Variants in PLCB1 observed in about 807,000 individuals in gnomAD.
The protein encoded by PLCB1 is phospholipase C beta 1.
Under a neutral mutation model 161.8 loss-of-function variants are expected in PLCB1, and 46 were observed. The ratio of observed to expected loss-of-function variants is 0.28; its 90% CI spans 0.22 to 0.36. PLCB1 has a LOEUF of 0.36. PLCB1 is among the 10% of genes least tolerant of loss of function. PLCB1 has a pLI of 1.00. For synonymous variants in PLCB1, 517 were observed against 503.7 expected, an observed-to-expected ratio of 1.03 and a Z score of -0.35; for missense variants, 1,016 against 1,472.5, an observed-to-expected ratio of 0.69 and a Z score of 5.07.
At chr20:8,755,290 A>G (rs1253265921) in intron 23 of PLCB1, among the ~76,000 whole-genome samples, 5 of 152,228 alleles carry the variant, frequency 3.3e-5, no homozygotes, top group Non-Finnish European at 7.3e-5. Flanking sequence ...CTTACTTTTT[A>G]TAAGAAAGTT....
chr20:8,773,291 G>A (rs1380139311), intron 26 of PLCB1, among the ~76,000 whole-genome samples: 1 of 152,176 alleles, frequency 6.6e-6, no homozygotes, highest in Non-Finnish European at 1.5e-5. Context: ...GTCTTAGGTA[G>A]TCTTTCGGGA....
chr20:8,792,436 G>A (rs1241003731), intron 31 of PLCB1, among the ~76,000 whole-genome samples: 1 of 152,184 alleles, frequency 6.6e-6, no homozygotes, highest in Non-Finnish European at 1.5e-5. Context: ...AGGGGAAATA[G>A]CAACTGGGTA....
chr20:8,309,663 G>A (rs1042978043), intron 2 of PLCB1, among the ~76,000 whole-genome samples: 3 of 152,166 alleles, frequency 2.0e-5, no homozygotes, highest in East Asian at 1.9e-4. Flanking sequence ...AGAAGCAATC[G>A]CGTCCATAAT....
intron 2 of PLCB1, among the ~76,000 whole-genome samples, chr20:8,279,090 GT>G (rs1310128248): frequency 6.6e-6 from 1 of 151,984 alleles, no homozygotes; most frequent in Admixed American, 6.6e-5. Context: ...GTGGAAAAAA[GT>G]TTATCCATTC....
chr20:8,342,168 G>T (rs1469122744), intron 2 of PLCB1, among the ~76,000 whole-genome samples: 3 of 152,178 alleles, frequency 2.0e-5, no homozygotes, highest in Non-Finnish European at 4.4e-5. Context: ...GCAGTAAATA[G>T]ATCACACACA....
At chr20:8,572,305 A>C (rs907177465) in intron 3 of PLCB1, among the ~76,000 whole-genome samples, 1 of 152,208 alleles carries the variant, frequency 6.6e-6, no homozygotes, top group African/African-American at 2.4e-5. Flanking sequence ...ACTTATGAGA[A>C]AGGAAGGACT....
At chr20:8,718,756 T>C (rs150050093) in intron 14 of PLCB1, among the ~76,000 whole-genome samples, 47 of 152,358 alleles carry the variant, frequency 3.1e-4, no homozygotes, top group African/African-American at 1.1e-3. Flanking sequence ...GAGGTCATTA[T>C]TCTGGCTACC....
chr20:8,480,931 TG>T (rs1025823271), intron 3 of PLCB1, among the ~76,000 whole-genome samples: 3 of 152,134 alleles, frequency 2.0e-5, no homozygotes, highest in Non-Finnish European at 4.4e-5. Flanking sequence ...TGGCGAAACC[TG>T]GTCTTTACCA....
At chr20:8,708,597 G>A (rs1978821999) in intron 11 of PLCB1, 73 bp from the exon 12 acceptor site, 1 of 892,822 alleles carries the variant, frequency 1.1e-6, no homozygotes, top group East Asian at 2.5e-5. Flanking sequence ...TATATTAATA[G>A]ATTTAATACC....
intron 23 of PLCB1, chr20:8,751,102 AT>A (rs368948762): frequency 0.023 from 4,270 of 186,476 alleles, no homozygotes; most frequent in South Asian, 0.076. Context: ...AGCCCGGCTA[AT>A]TTTTTTTTTT....
At chr20:8,380,097 G>C (rs1017258428) in intron 3 of PLCB1, among the ~76,000 whole-genome samples, 2 of 152,134 alleles carry the variant, frequency 1.3e-5, no homozygotes, top group African/African-American at 4.8e-5. Flanking sequence ...TATGGTTTTG[G>C]GTTTTACATT....
intron 1 of PLCB1, among the ~76,000 whole-genome samples, chr20:8,140,898 A>G (rs770220428): frequency 3.9e-5 from 6 of 151,958 alleles, no homozygotes; most frequent in Non-Finnish European, 8.8e-5. Flanking sequence ...TCCCCGGTTC[A>G]AGCGATTTTC....
At chr20:8,457,724 A>AGTG (rs1568683950) in intron 3 of PLCB1, among the ~76,000 whole-genome samples, 3 of 150,700 alleles carry the variant, frequency 2.0e-5, no homozygotes, top group South Asian at 2.1e-4. Flanking sequence ...GCACACACAC[A>AGTG]CACACACACA....
intron 2 of PLCB1, among the ~76,000 whole-genome samples, chr20:8,200,450 C>G (rs767922885): frequency 2.0e-5 from 3 of 152,008 alleles, no homozygotes; most frequent in Non-Finnish European, 4.4e-5. Flanking sequence ...ATGTAACTAA[C>G]TTTATTAAGT....
intron 2 of PLCB1, among the ~76,000 whole-genome samples, chr20:8,277,980 C>T (rs916081418): frequency 6.6e-6 from 1 of 152,046 alleles, no homozygotes; most frequent in Non-Finnish European, 1.5e-5. Flanking sequence ...CCAATCCTAC[C>T]TCTGAAAATT....
intron 31 of PLCB1, among the ~76,000 whole-genome samples, chr20:8,801,038 C>T (rs1002232691): frequency 6.6e-6 from 1 of 152,182 alleles, no homozygotes; most frequent in Non-Finnish European, 1.5e-5. Flanking sequence ...AATCAGGTCA[C>T]TCCTCTGTTG....
At chr20:8,748,241 T>C (rs1440316856) in intron 23 of PLCB1, among the ~76,000 whole-genome samples, 1 of 152,244 alleles carries the variant, frequency 6.6e-6, no homozygotes, top group Non-Finnish European at 1.5e-5. Flanking sequence ...CACAATGCAC[T>C]TTCATTGGAT....
intron 11 of PLCB1, among the ~76,000 whole-genome samples, chr20:8,704,183 A>G (rs7352824): frequency 0.014 from 2,114 of 152,184 alleles, 126 homozygotes; most frequent in Admixed American, 0.11. Context: ...GCAAAACCCC[A>G]TCTCTACTAA....
chr20:8,141,042 C>T (rs1022128471), intron 1 of PLCB1, among the ~76,000 whole-genome samples: 18 of 152,188 alleles, frequency 1.2e-4, no homozygotes, highest in Admixed American at 9.2e-4. Flanking sequence ...ATGATCCACC[C>T]GCCTCAGCCT....
Sources: gnomAD v4.1 joint callset for allele counts (sites outside exome capture counted in the v4.1 genomes callset) on GRCh38, gnomAD v4.1.1 for gene constraint, MANE v1.5 for transcripts, NCBI Gene and HGNC (gene_info 2026-07-23, HGNC 2026-07-21) for gene names.